Variants in MTUS1 observed in about 807,000 individuals in gnomAD.
The protein encoded by MTUS1 is microtubule associated scaffold protein 1, also known as microtubule-associated tumor suppressor 1.
A neutral mutation model predicts 120.8 loss-of-function variants in MTUS1; 109 were observed. The ratio of observed to expected loss-of-function variants is 0.90; its 90% CI spans 0.77 to 1.06. The LOEUF (loss-of-function observed/expected upper bound fraction) is 1.06. Among genes scored for constraint, MTUS1 ranks in the 50% least tolerant of loss-of-function variants. MTUS1 has a pLI of 0.00. For synonymous variants in MTUS1, 737 were observed against 550.5 expected (o/e 1.34, Z -4.74); for missense variants, 2,210 against 1,486.3 (o/e 1.49, Z -8.01).
At chr8:17,767,968 G>A (rs1425992574) in intron 1 of MTUS1, among the ~76,000 whole-genome samples, 2 of 152,204 alleles carry the variant, frequency 1.3e-5, no homozygotes, top group African/African-American at 2.4e-5. Flanking sequence ...GTGGCAGCAC[G>A]AGGCAAAGGA....
chr8:17,793,828 G>A (rs2051998043), intron 1 of MTUS1, among the ~76,000 whole-genome samples: 1 of 152,154 alleles, frequency 6.6e-6, no homozygotes, highest in South Asian at 2.1e-4. Context: ...GTCAGCAGGT[G>A]GAATTTTTAA....
intron 5 of MTUS1, 81 bp downstream of exon 5, chr8:17,715,686 A>G: frequency 7.4e-7 from 1 of 1,358,378 alleles, no homozygotes; most frequent in Non-Finnish European, 1.0e-6. Flanking sequence ...CCATAAACCT[A>G]ATTGTCAAAA....
rs1273601478 is a variant in MTUS1, at chr8:17,742,281, TGTTG to T, written c.2287+1319_2287+1322del. 6.1e-3 allele frequency among the ~76,000 whole-genome samples: 715 copies of T among 117,206 alleles called. 55 individuals carry two copies. The highest frequency in any genetic ancestry group is 0.027 in the East Asian group (92 of 3,410). 76.9% of individuals were successfully genotyped at this position (117,206 alleles called of 152,430 possible). A position where few individuals can be genotyped will look rare whatever the true frequency, so the allele number is the denominator to read the frequency against. On this transcript the variant is annotated intron_variant, in intron 3 of 14. Transcript: ENST00000693296. ...CTCATGCCCAGCTGTTTTTTTTTTT[TGTTG>T]TTGTTGTTTTTTTTTTTTTTTTTTT...
intron 1 of MTUS1, among the ~76,000 whole-genome samples, chr8:17,790,857 G>A (rs977714625): frequency 1.5e-4 from 23 of 152,020 alleles, no homozygotes; most frequent in African/African-American, 5.1e-4. Context: ...CATGATGGCA[G>A]GCACCTGTAA....
At chr8:17,676,920 G>T (rs1292658263) in intron 7 of MTUS1, among the ~76,000 whole-genome samples, 8 of 152,178 alleles carry the variant, frequency 5.3e-5, no homozygotes, top group African/African-American at 1.9e-4. Flanking sequence ...GAGAGTTGGA[G>T]ATCCCATATA....
At chr8:17,731,882 C>G (rs2046609287) in intron 3 of MTUS1, among the ~76,000 whole-genome samples, 1 of 152,236 alleles carries the variant, frequency 6.6e-6, no homozygotes, top group Admixed American at 6.5e-5. Context: ...ATCCCCATCA[C>G]CATTGCTTAA....
chr8:17,656,146 G>T (rs1417945025), intron 8 of MTUS1, 81 bp from the exon 9 acceptor site: 4 of 1,257,324 alleles, frequency 3.2e-6, no homozygotes, highest in Non-Finnish European at 4.6e-6. Context: ...ACACACAGCT[G>T]TGATGACACC....
rs2048450300 is a variant in MTUS1 at position 17,754,564 on chromosome 8, G to T, written c.1244C>A (p.Ala415Glu). ...GTCTGTGCTAATGACCATATCATTT[G>T]CATCCCAAGTCAGTCCAAATGACGA... ...VGSSFGLTWD[A>E]NDMVISTDKT... The change falls in exon 2 of 15, where the codon GCA (alanine) becomes GAA (glutamate). Residue 415 changes from alanine to glutamate, a missense_variant. By Grantham distance (107) the Ala-to-Glu change is moderately radical. Coordinates refer to ENST00000693296, the MANE Select transcript of MTUS1 (RefSeq NM_001363059.2). 1.2e-6 allele frequency: 2 copies of T among 1,614,064 alleles called. No individual in the cohort carries two copies. Among genetic ancestry groups the T allele is most frequent in the Admixed American group, 1.7e-5 (1 of 60,010 alleles).
rs560892712 is a variant in MTUS1, at chr8:17,743,627, C to G, written c.2264G>C (p.Arg755Thr). 3.3e-5 allele frequency: 53 copies of G among 1,614,098 alleles called. 1 individual carries two copies. In the South Asian group the frequency reaches 4.3e-4, roughly 13 times the overall value. Residue 755 changes from arginine to threonine, a missense_variant, in exon 3 of 15, where the codon AGG becomes ACG. Arg to Thr is a moderately conservative substitution (Grantham distance 71). Transcript: ENST00000693296. ...PSADRAVSPQ[R>T]IRRVSSSGKP... is the part of the protein sequence containing the mutation. ...ACCAGAACTGGACACACGCCTGATC[C>G]TCTGAGGAGATACGGCTCGATCAGC... is the stretch of plus-strand genomic sequence containing the variant.
Position 17,725,119 on chromosome 8 carries a change from A to C in MTUS1, c.2288-1286T>G, listed in dbSNP as rs573973125. Among the ~76,000 whole-genome samples the C allele has an allele frequency of 1.1e-4, 17 of 152,024 alleles. 1 individual carries two copies. The East Asian group carries it at 2.9e-3, about 26-fold the overall frequency. ...ATTGGAATCATCTTTTCTTCCCCAG[A>C]TCCCCATATATTCTAGCACTGTCTC... On this transcript the variant is annotated intron_variant, in intron 3 of 14. Transcript: ENST00000693296.
At chr8:17,678,645 T>G (rs1226655980) in intron 7 of MTUS1, among the ~76,000 whole-genome samples, 1 of 151,982 alleles carries the variant, frequency 6.6e-6, no homozygotes, top group Non-Finnish European at 1.5e-5. Flanking sequence ...CACAGTGAAT[T>G]TGCTCAATGC....
chr8:17,760,255 TGA>T (rs2048938850), intron 1 of MTUS1, among the ~76,000 whole-genome samples: 1 of 151,958 alleles, frequency 6.6e-6, no homozygotes, highest in Non-Finnish European at 1.5e-5. Flanking sequence ...TTCAAATTGG[TGA>T]GCAAAGAGAC....
intron 6 of MTUS1, among the ~76,000 whole-genome samples, chr8:17,712,919 T>C (rs976696688): frequency 1.9e-4 from 29 of 152,298 alleles, no homozygotes; most frequent in African/African-American, 6.3e-4. Flanking sequence ...AATTTCAAAA[T>C]AGCATTGATC....
intron 3 of MTUS1, among the ~76,000 whole-genome samples, chr8:17,733,243 C>T (rs1444037231): frequency 2.0e-5 from 3 of 151,794 alleles, no homozygotes; most frequent in East Asian, 3.9e-4. Flanking sequence ...CTCAGCTACT[C>T]GGTAGGCTGA....
intron 6 of MTUS1, among the ~76,000 whole-genome samples, chr8:17,699,349 G>A (rs1585782757): frequency 6.6e-6 from 1 of 152,136 alleles, no homozygotes; most frequent in East Asian, 1.9e-4. Context: ...TCCGTAGATG[G>A]GATTACAGGT....
chr8:17,771,457 T>C (rs1336944938), intron 1 of MTUS1, among the ~76,000 whole-genome samples: 1 of 152,262 alleles, frequency 6.6e-6, no homozygotes, highest in Non-Finnish European at 1.5e-5. Flanking sequence ...TTCACAGACA[T>C]TGCAATTAAA....
chr8:17,793,620 G>T (rs1486444396), intron 1 of MTUS1, among the ~76,000 whole-genome samples: 1 of 152,134 alleles, frequency 6.6e-6, no homozygotes, highest in Non-Finnish European at 1.5e-5. Flanking sequence ...GAGCTTACAA[G>T]ATGTAGCAAA....
At chr8:17,666,037 G>A (rs902420809) in intron 8 of MTUS1, among the ~76,000 whole-genome samples, 1 of 149,804 alleles carries the variant, frequency 6.7e-6, no homozygotes, top group South Asian at 2.1e-4. Context: ...GCCTGCAAAG[G>A]CCATTTGCTG....
At chr8:17,736,955 G>C (rs921011901) in intron 3 of MTUS1, among the ~76,000 whole-genome samples, 1 of 152,074 alleles carries the variant, frequency 6.6e-6, no homozygotes, top group Admixed American at 6.5e-5. Context: ...CCCCTTATTA[G>C]AATTTAAGCT....
Sources: gnomAD v4.1 joint callset for allele counts (sites outside exome capture counted in the v4.1 genomes callset) on GRCh38, gnomAD v4.1.1 for gene constraint, MANE v1.5 for transcripts, NCBI Gene and HGNC (gene_info 2026-07-23, HGNC 2026-07-21) for gene names.